SLC23A2: variants seen among roughly 807,000 people sequenced by gnomAD.
SLC23A2 encodes solute carrier family 23 member 2.
SLC23A2 carries 36 observed loss-of-function variants against 73.3 expected under a neutral mutation model. The ratio of observed to expected loss-of-function variants is 0.49; its 90% CI spans 0.38 to 0.65. SLC23A2 has a LOEUF of 0.65. Ranked by LOEUF, SLC23A2 falls within the 30% of genes least tolerant of loss-of-function variation. The pLI, the probability that SLC23A2 is intolerant of heterozygous loss-of-function variation, is 0.00. For missense variants in SLC23A2, 507 were observed against 841.6 expected, an observed-to-expected ratio of 0.60 and a Z score of 4.92; for synonymous variants, 343 against 327.3, an observed-to-expected ratio of 1.05 and a Z score of -0.52.
chr20:4,999,508 T>C (rs1302313607), intron 1 of SLC23A2, among the ~76,000 whole-genome samples: 1 of 152,102 alleles, frequency 6.6e-6, no homozygotes, highest in Non-Finnish European at 1.5e-5. Context: ...CATCTACATT[T>C]TTCTAGCCAG....
intron 1 of SLC23A2, among the ~76,000 whole-genome samples, chr20:4,987,020 G>A (rs2087841999): frequency 6.6e-6 from 1 of 152,150 alleles, no homozygotes; most frequent in Non-Finnish European, 1.5e-5. Flanking sequence ...TAGATCACAT[G>A]TGGAGCTCCG....
At chr20:4,891,350 C>A (rs535246391) in intron 6 of SLC23A2, among the ~76,000 whole-genome samples, 1 of 152,300 alleles carries the variant, frequency 6.6e-6, no homozygotes, top group Non-Finnish European at 1.5e-5. Context: ...TACCAGCTAA[C>A]AGAGGAAGGG....
chr20:4,983,515 A>G (rs1017566495), intron 1 of SLC23A2, among the ~76,000 whole-genome samples: 13 of 151,884 alleles, frequency 8.6e-5, no homozygotes, highest in Middle Eastern at 3.4e-3. Flanking sequence ...GCGTTGTGGC[A>G]GGTGCCTGTA....
intron 6 of SLC23A2, among the ~76,000 whole-genome samples, chr20:4,898,895 C>T (rs1404381177): frequency 6.6e-6 from 1 of 152,242 alleles, no homozygotes; most frequent in African/African-American, 2.4e-5. Context: ...TCCACAGAGT[C>T]GGGAGGGCAG....
At chr20:5,000,999 A>G (rs886912771) in intron 1 of SLC23A2, among the ~76,000 whole-genome samples, 8 of 152,014 alleles carry the variant, frequency 5.3e-5, no homozygotes, top group African/African-American at 1.9e-4. Flanking sequence ...GGGCGAGGGA[A>G]GCGACCCCAG....
chr20:4,875,998 CCCTG>C (rs1479976545), intron 9 of SLC23A2, among the ~76,000 whole-genome samples: 1 of 152,138 alleles, frequency 6.6e-6, no homozygotes, highest in East Asian at 1.9e-4. Context: ...CCACGGGTCT[CCCTG>C]CCTACTCAGG....
In SLC23A2 at chr20:4,902,417, A is replaced by T; in HGVS notation, c.324+25T>A. The T allele has an allele frequency of 1.6e-6, 2 of 1,248,464 alleles. No homozygotes were observed. Among genetic ancestry groups the T allele is most frequent in the Non-Finnish European group, 2.3e-6 (2 of 865,384 alleles). The allele number at this position is 1,248,464 out of a possible 1,614,324, so 77.3% of individuals were successfully genotyped here. ...ACAATGCAAACACCTGCTGGTAGTT[A>T]CACATCCTACAGGAACCATCTTACC... On this transcript the variant is annotated intron_variant, in intron 5 of 16. Transcript: ENST00000338244. The surrounding 1 kb of genome is among the most constrained non-coding windows in gnomAD (Gnocchi z 4.0).
intron 9 of SLC23A2, among the ~76,000 whole-genome samples, chr20:4,876,093 T>C (rs903037711): frequency 1.3e-5 from 2 of 152,162 alleles, no homozygotes; most frequent in African/African-American, 4.8e-5. Context: ...GCCCACGTTA[T>C]TTCAATTCCT....
upstream of SLC23A2, among the ~76,000 whole-genome samples, chr20:5,004,977 C>T (rs976418410): frequency 6.8e-6 from 1 of 147,626 alleles, no homozygotes; most frequent in African/African-American, 2.5e-5. Context: ...CCAGCCTGGG[C>T]AACAAGAATG....
intron 12 of SLC23A2, chr20:4,869,105 CAG>C (rs1452481210): frequency 6.6e-6 from 1 of 151,856 alleles, no homozygotes; most frequent in Non-Finnish European, 1.5e-5. Flanking sequence ...GGTGGGGAAA[CAG>C]GGAAAAAAAC....
intron 3 of SLC23A2, among the ~76,000 whole-genome samples, chr20:4,924,000 G>C (rs886164209): frequency 1.3e-5 from 2 of 152,172 alleles, no homozygotes; most frequent in African/African-American, 2.4e-5. Flanking sequence ...AACAGAAAAG[G>C]AAAGAAAGGA....
At chr20:4,981,298 C>T (rs2087722283) in intron 1 of SLC23A2, among the ~76,000 whole-genome samples, 2 of 152,200 alleles carry the variant, frequency 1.3e-5, no homozygotes, top group African/African-American at 2.4e-5. Context: ...AGACCTAATA[C>T]ATTTGTCATC....
rs2087039584 is a variant in SLC23A2, at chr20:4,941,432, G to C, written c.-154-8716C>G. Among the ~76,000 whole-genome samples the C allele has an allele frequency of 1.3e-5, 2 of 152,080 alleles. 1 individual carries two copies. Among genetic ancestry groups the C allele is most frequent in the South Asian group, 4.1e-4 (2 of 4,830 alleles). On this transcript the variant is annotated intron_variant, in intron 2 of 16. Transcript: ENST00000338244. ...TACCATATTGTACACTCAAAAAGTT[G>C]TCGGCTGGGCCTGTAATCCTAGCAC...
At position 4,862,664 on chromosome 20, in the gene SLC23A2, T is replaced by C; in HGVS notation, c.1486+114A>G. On this transcript the variant is annotated intron_variant, in intron 14 of 16. Coordinates refer to ENST00000338244, the MANE Select transcript of SLC23A2 (RefSeq NM_005116.6). The surrounding 1 kb of genome is among the most constrained non-coding windows in gnomAD (Gnocchi z 5.1). ...ATTTTTTGAAGGCATATCCTTTGTA[T>C]TTTAAAATAGAAATTTATCGTTACC... The C allele has an allele frequency of 1.0e-6, 1 of 991,036 alleles. No individual in the cohort carries two copies. The highest frequency in any genetic ancestry group is 1.5e-6 in the Non-Finnish European group (1 of 671,284). 61.4% of individuals were successfully genotyped at this position (991,036 alleles called of 1,614,324 possible). A position where few individuals can be genotyped will look rare whatever the true frequency, so the allele number is the denominator to read the frequency against.
chr20:4,929,786 C>T (rs910439279), intron 3 of SLC23A2, among the ~76,000 whole-genome samples: 1 of 152,080 alleles, frequency 6.6e-6, no homozygotes, highest in Non-Finnish European at 1.5e-5. Context: ...CCGGAAAATA[C>T]TGAAGGACTC....
At chr20:4,876,911 C>T (rs1031978107) in intron 9 of SLC23A2, among the ~76,000 whole-genome samples, 2 of 152,094 alleles carry the variant, frequency 1.3e-5, no homozygotes, top group Non-Finnish European at 2.9e-5. Flanking sequence ...TCATGCTTTA[C>T]GCAGCTTCCT....
At chr20:5,006,086 TA>T (rs1256127181), upstream of SLC23A2, among the ~76,000 whole-genome samples, 1 of 152,122 alleles carries the variant, frequency 6.6e-6, no homozygotes, top group Non-Finnish European at 1.5e-5. Context: ...GAGCATAATA[TA>T]TTTTTTTGTT....
intron 2 of SLC23A2, among the ~76,000 whole-genome samples, chr20:4,951,072 C>T (rs923586216): frequency 2.0e-5 from 3 of 152,146 alleles, no homozygotes; most frequent in African/African-American, 4.8e-5. Flanking sequence ...CAGGTCAACA[C>T]GCCTAGGGGA....
At chr20:4,955,846 A>T (rs1478217653) in intron 2 of SLC23A2, among the ~76,000 whole-genome samples, 2 of 139,474 alleles carry the variant, frequency 1.4e-5, no homozygotes, top group South Asian at 4.7e-4. Flanking sequence ...ATTGAGCTTT[A>T]AAAAAAAAAA....
Sources: gnomAD v4.1 joint callset for allele counts (sites outside exome capture counted in the v4.1 genomes callset) on GRCh38, gnomAD v4.1.1 for gene constraint, Gnocchi (gnomAD v3.1) non-coding constraint, MANE v1.5 for transcripts, NCBI Gene and HGNC (gene_info 2026-07-23, HGNC 2026-07-21) for gene names.